The following CNTNAP2 variants were observed in gnomAD, a reference collection of about 807,000 sequenced individuals.
The protein encoded by CNTNAP2 is contactin associated protein 2.
Under a neutral mutation model 155.2 loss-of-function variants are expected in CNTNAP2, and 98 were observed. That is an observed-to-expected ratio of 0.63 (90% CI 0.54 to 0.75). The LOEUF is 0.75. Among genes scored for constraint, CNTNAP2 ranks in the 30% least tolerant of loss-of-function variants. The pLI is 0.00. For synonymous variants in CNTNAP2, 651 were observed against 631.2 expected, an observed-to-expected ratio of 1.03 and a Z score of -0.47; for missense variants, 1,727 against 1,688.1, an observed-to-expected ratio of 1.02 and a Z score of -0.40.
chr7:146,970,529 T>A (rs1379200881), intron 3 of CNTNAP2, among the ~76,000 whole-genome samples: 1 of 152,144 alleles, frequency 6.6e-6, no homozygotes, highest in Non-Finnish European at 1.5e-5. Flanking sequence ...CCACACCAGT[T>A]AGAATGGCAA....
intron 15 of CNTNAP2, among the ~76,000 whole-genome samples, chr7:148,035,022 C>T (rs562841651): frequency 1.2e-4 from 18 of 152,178 alleles, no homozygotes; most frequent in African/African-American, 4.1e-4. Flanking sequence ...GTAATGGACT[C>T]GGATATCTGG....
intron 1 of CNTNAP2, among the ~76,000 whole-genome samples, chr7:146,122,522 T>G (rs1042068996): frequency 6.6e-6 from 1 of 152,216 alleles, no homozygotes; most frequent in Non-Finnish European, 1.5e-5. Context: ...AAAATAAGAT[T>G]GATATTAAAC....
intron 13 of CNTNAP2, among the ~76,000 whole-genome samples, chr7:147,714,526 G>C (rs1419259118): frequency 3.9e-5 from 6 of 151,978 alleles, no homozygotes; most frequent in Admixed American, 1.3e-4. Flanking sequence ...GGGATGAAGA[G>C]AGTGTTTAGT....
intron 1 of CNTNAP2, among the ~76,000 whole-genome samples, chr7:146,502,622 G>A (rs1447000751): frequency 1.3e-5 from 2 of 151,846 alleles, no homozygotes; most frequent in Admixed American, 6.6e-5. Context: ...TTTTGTTGTT[G>A]TTGTTTTGAA....
chr7:146,451,111 T>C (rs935682213), intron 1 of CNTNAP2, among the ~76,000 whole-genome samples: 2 of 152,016 alleles, frequency 1.3e-5, no homozygotes, highest in African/African-American at 2.4e-5. Context: ...ATCACCCAGC[T>C]AATTTTTTGT....
chr7:146,375,567 C>T lies in CNTNAP2; in HGVS notation c.97+258594C>T, dbSNP rs113084576. Among the ~76,000 whole-genome samples, 200 of 152,310 alleles carry T rather than the reference C, an allele frequency of 1.3e-3. 1 individual carries two copies. Among genetic ancestry groups the T allele is most frequent in the African/African-American group, 4.3e-3 (179 of 41,572 alleles). ...AAGATTGGTGGCATAAAGAATCTAA[C>T]AGTTCCTATTCTCCGAATTATAATT... On this transcript the variant is annotated intron_variant, in intron 1 of 23. Transcript: ENST00000361727.
chr7:146,615,257 C>T (rs1446049365), intron 1 of CNTNAP2, among the ~76,000 whole-genome samples: 1 of 152,142 alleles, frequency 6.6e-6, no homozygotes, highest in Non-Finnish European at 1.5e-5. Flanking sequence ...CTAGATCTAT[C>T]TAACTGCAAA....
rs1245781400 is a variant in CNTNAP2 at position 146,141,669 on chromosome 7, C to G, written c.97+24696C>G. Among the ~76,000 whole-genome samples the G allele has an allele frequency of 3.9e-5, 6 of 151,978 alleles. No individual in the cohort carries two copies. In the East Asian group the frequency reaches 1.2e-3, roughly 29 times the overall value. On this transcript the variant is annotated intron_variant, in intron 1 of 23. Transcript: ENST00000361727. ...TACTTTAGGTGGTTTTCTTTTCAAG[C>G]ATTAAAAATAATGTTATTGAGTTCT...
At chr7:147,399,360 A>T (rs868397512) in intron 10 of CNTNAP2, among the ~76,000 whole-genome samples, 1 of 152,332 alleles carries the variant, frequency 6.6e-6, no homozygotes, top group East Asian at 1.9e-4. Flanking sequence ...AAATTATGCC[A>T]TTATAATCCA....
chr7:147,466,836 T>G (rs1584750242), intron 10 of CNTNAP2, among the ~76,000 whole-genome samples: 1 of 152,138 alleles, frequency 6.6e-6, no homozygotes, highest in Non-Finnish European at 1.5e-5. Flanking sequence ...GAGAATCACT[T>G]GAACCCCAGG....
intron 14 of CNTNAP2, among the ~76,000 whole-genome samples, chr7:147,936,436 A>G (rs746497665): frequency 1.2e-4 from 19 of 152,112 alleles, no homozygotes; most frequent in Non-Finnish European, 2.5e-4. Flanking sequence ...ATAAAAGAGG[A>G]AATATATTAG....
At chr7:146,400,497 C>T (rs1013285327) in intron 1 of CNTNAP2, among the ~76,000 whole-genome samples, 2 of 152,154 alleles carry the variant, frequency 1.3e-5, no homozygotes, top group Admixed American at 1.3e-4. Flanking sequence ...AGAAGTAAGG[C>T]TGTCACATAA....
At chr7:146,231,060 A>T (rs1413334246) in intron 1 of CNTNAP2, among the ~76,000 whole-genome samples, 8 of 151,980 alleles carry the variant, frequency 5.3e-5, no homozygotes, top group Non-Finnish European at 8.8e-5. Context: ...TATATTTAAT[A>T]TAGCTTGAAG....
chr7:146,780,517 T>C (rs1802467289), intron 2 of CNTNAP2, among the ~76,000 whole-genome samples: 1 of 152,068 alleles, frequency 6.6e-6, no homozygotes, highest in Non-Finnish European at 1.5e-5. Context: ...TGATCACCAT[T>C]CTAACTGGTG....
At chr7:148,295,713 C>G (rs983637940) in intron 21 of CNTNAP2, among the ~76,000 whole-genome samples, 5 of 151,478 alleles carry the variant, frequency 3.3e-5, no homozygotes, top group African/African-American at 7.3e-5. Context: ...GGATGGTCTC[C>G]ATCTCCTGAC....
intron 13 of CNTNAP2, among the ~76,000 whole-genome samples, chr7:147,738,171 A>G (rs1170432939): frequency 2.0e-5 from 3 of 152,156 alleles, no homozygotes; most frequent in African/African-American, 7.2e-5. Context: ...GCCCCCCGAA[A>G]TTGGTTTCTT....
At chr7:147,303,542 TTAAAA>T (rs1252678607) in intron 9 of CNTNAP2, among the ~76,000 whole-genome samples, 12 of 152,182 alleles carry the variant, frequency 7.9e-5, no homozygotes, top group Admixed American at 5.9e-4. Context: ...GATTCAAATG[TTAAAA>T]TAAACACATC....
At chr7:147,608,307 A>G (rs1218698263) in intron 12 of CNTNAP2, among the ~76,000 whole-genome samples, 1 of 151,940 alleles carries the variant, frequency 6.6e-6, no homozygotes, top group Non-Finnish European at 1.5e-5. Flanking sequence ...AGTATCTTAT[A>G]AATATTGTAA....
intron 1 of CNTNAP2, among the ~76,000 whole-genome samples, chr7:146,420,674 G>A (rs1047444444): frequency 2.0e-5 from 3 of 152,010 alleles, no homozygotes; most frequent in African/African-American, 7.2e-5. Flanking sequence ...TCCATTAAAT[G>A]TTTGTATTGA....
Sources: allele counts gnomAD v4.1 joint callset (sites outside exome capture counted in the v4.1 genomes callset), GRCh38; gene constraint gnomAD v4.1.1; transcripts MANE v1.5; gene names NCBI Gene and HGNC (gene_info 2026-07-23, HGNC 2026-07-21).